Variants in DTX2 observed in about 807,000 individuals in gnomAD.
DTX2 encodes deltex E3 ubiquitin ligase 2.
DTX2 carries 29 observed loss-of-function variants against 55.3 expected under a neutral mutation model. The ratio of observed to expected loss-of-function variants is 0.52; its 90% CI spans 0.39 to 0.71. The LOEUF is 0.71. Among genes scored for constraint, DTX2 ranks in the 30% least tolerant of loss-of-function variants. The pLI, the probability that DTX2 is intolerant of heterozygous loss-of-function variation, is 0.00. For synonymous variants in DTX2, 276 were observed against 340.4 expected (o/e 0.81, Z 2.08); for missense variants, 537 against 822.5 (o/e 0.65, Z 4.25).
chr7:76,501,052 G>A (rs544786090), intron 7 of DTX2, among the ~76,000 whole-genome samples: 18 of 151,720 alleles, frequency 1.2e-4, no homozygotes, highest in Admixed American at 5.9e-4. Flanking sequence ...CTCCTGTTGC[G>A]CTTCCATAGA....
intron 2 of DTX2, among the ~76,000 whole-genome samples, chr7:76,468,083 G>A (rs867820651): frequency 1.3e-5 from 2 of 152,296 alleles, no homozygotes; most frequent in African/African-American, 2.4e-5. Flanking sequence ...AGGAGGGGAG[G>A]AGGGGAGAGG....
chr7:76,479,713 A>T (rs1209366509), intron 2 of DTX2, among the ~76,000 whole-genome samples: 1 of 151,098 alleles, frequency 6.6e-6, no homozygotes, highest in Admixed American at 6.6e-5. Context: ...CCTACCCGGG[A>T]GGTGGAGGTT....
At chr7:76,471,681 CCA>C (rs1234997528) in intron 2 of DTX2, among the ~76,000 whole-genome samples, 1 of 150,864 alleles carries the variant, frequency 6.6e-6, no homozygotes, top group Non-Finnish European at 1.5e-5. Context: ...AAGGTGTGAG[CCA>C]CTGCACCAGG....
chr7:76,479,703 C>G (rs1808947335), intron 2 of DTX2, among the ~76,000 whole-genome samples: 1 of 151,196 alleles, frequency 6.6e-6, no homozygotes, highest in African/African-American at 2.4e-5. Flanking sequence ...ATCACTTGAA[C>G]CTACCCGGGA....
intron 6 of DTX2, among the ~76,000 whole-genome samples, chr7:76,497,716 C>A (rs1359532936): frequency 6.7e-6 from 1 of 149,748 alleles, no homozygotes; most frequent in Non-Finnish European, 1.5e-5. Context: ...CATGAGGGGG[C>A]TTGTTCTTGA....
At chr7:76,486,846 G>GGCTGCT (rs370235862) in intron 4 of DTX2, among the ~76,000 whole-genome samples, 573 of 79,724 alleles carry the variant, frequency 7.2e-3, no homozygotes, top group African/African-American at 0.028. Context: ...TGTTGTGGTG[G>GGCTGCT]GCTGCTGCTG....
At position 76,483,061 on chromosome 7, in the gene DTX2, G is replaced by C; in HGVS notation, c.822G>C (p.Leu274=). Residue 274 remains leucine, a synonymous_variant, in exon 4 of 11, where the codon CTG becomes CTC. Transcript: ENST00000430490. ...TNAWGAAPPS[L]GSQPLYRSSL... is the part of the protein sequence containing the mutation. ...CCTGGGGCGCAGCTCCTCCTTCCCT[G>C]GGGAGCCAGCCCCTCTACCGCTCCA... 1 of 1,613,220 alleles carries C rather than the reference G, an allele frequency of 6.2e-7. No individual in the cohort carries two copies. The highest frequency in any genetic ancestry group is 1.1e-5 in the South Asian group (1 of 91,060).
rs1812199967 is a variant in DTX2, at chr7:76,505,154, T to C, written c.1642-220T>C. On this transcript the variant is annotated intron_variant, in intron 10 of 10. Transcript: ENST00000430490. This position sits in a 1 kb window ranked among gnomAD's most constrained non-coding sequence, Gnocchi z 4.4. ...CCAAACGGATGGCAGTGCCAGGCAC[T>C]GAGGCGGGGTGGGCTGGAGCCCAGG... 6.6e-6 allele frequency among the ~76,000 whole-genome samples: 1 copy of C among 151,978 alleles called. No homozygotes were observed. The highest frequency in any genetic ancestry group is 6.5e-5 in the Admixed American group (1 of 15,274).
At chr7:76,471,700 A>G (rs970461376) in intron 2 of DTX2, among the ~76,000 whole-genome samples, 2 of 150,396 alleles carry the variant, frequency 1.3e-5, no homozygotes, top group African/African-American at 5.0e-5. Context: ...CAGGCCTGCT[A>G]TTACTGTTAC....
rs1255026427 is a variant in DTX2 at position 76,505,888 on chromosome 7, C to T, written c.*287C>T. 1.4e-5 allele frequency: 8 copies of T among 563,582 alleles called. No individual in the cohort carries two copies. The African/African-American group carries it at 1.5e-4, about 11-fold the overall frequency. The allele number at this position is 563,582 out of a possible 1,614,324, so 34.9% of individuals were successfully genotyped here. Reference sequence around the variant, plus strand: ...TGCTTCGGGCCCGCGGTGCTCGGGGCCTGGTGTGGGGCGAGTAGAGACTTC... The same window carrying T: ...TGCTTCGGGCCCGCGGTGCTCGGGGTCTGGTGTGGGGCGAGTAGAGACTTC... On this transcript the variant is annotated 3_prime_UTR_variant, in exon 11 of 11. Transcript: ENST00000430490. The surrounding 1 kb of genome is among the most constrained non-coding windows in gnomAD (Gnocchi z 4.4).
intron 5 of DTX2, among the ~76,000 whole-genome samples, chr7:76,495,842 T>C (rs1638119): frequency 0.63 from 90,680 of 143,792 alleles, 29,423 homozygotes; most frequent in African/African-American, 0.75. Flanking sequence ...GCCTGCCCGC[T>C]GAGGCAGTGT....
chr7:76,501,241 G>A (rs1811642119), intron 7 of DTX2: 3 of 455,590 alleles, frequency 6.6e-6, no homozygotes, highest in African/African-American at 4.0e-5. Context: ...AGTACCCAGG[G>A]ACTCTTCACT....
intron 4 of DTX2, among the ~76,000 whole-genome samples, chr7:76,487,005 G>A (rs1810002295): frequency 2.1e-5 from 2 of 94,562 alleles, no homozygotes; most frequent in South Asian, 6.4e-4. Context: ...ATAGGCCCTC[G>A]GTCTCTTTTC....
Position 76,482,539 on chromosome 7 carries a change from C to T in DTX2, c.300C>T (p.Phe100=). Residue 100 remains phenylalanine, a synonymous_variant, in exon 4 of 11, where the codon TTC becomes TTT. Coordinates refer to ENST00000430490, the MANE Select transcript of DTX2 (RefSeq NM_001102594.3). ...GTMRAVRRHL[F]PQHSAPGRGV... ...TGCGGGCTGTGCGGAGACACCTGTTCCCCCAGCACTCAGCCCCTGGCCGAG... is the reference window on the plus strand; with the variant it reads ...TGCGGGCTGTGCGGAGACACCTGTTTCCCCAGCACTCAGCCCCTGGCCGAG... 6.2e-7 allele frequency: 1 copy of T among 1,608,766 alleles called. No homozygotes were observed. The highest frequency in any genetic ancestry group is 1.1e-5 in the South Asian group (1 of 90,814).
At chr7:76,500,569 T>C in intron 7 of DTX2, 49 bp downstream of exon 7, 1 of 556,264 alleles carries the variant, frequency 1.8e-6, no homozygotes, top group Non-Finnish European at 3.3e-6. Flanking sequence ...TGGAAACAAC[T>C]CCACATGGAA....
chr7:76,479,730 A>G (rs1808953272), intron 2 of DTX2, among the ~76,000 whole-genome samples: 1 of 151,592 alleles, frequency 6.6e-6, no homozygotes, highest in African/African-American at 2.4e-5. Flanking sequence ...GGTTGCAGTG[A>G]GCCGAGATCA....
chr7:76,472,382 G>A (rs1638087), intron 2 of DTX2, among the ~76,000 whole-genome samples: 70,598 of 91,878 alleles, frequency 0.77, 28,363 homozygotes, highest in East Asian at 0.97. Flanking sequence ...CTGGAGTGCA[G>A]TGGTGCAGTT....
rs1456702812 is a variant in DTX2 at position 76,483,946 on chromosome 7, A to G, written c.908+799A>G. On this transcript the variant is annotated intron_variant, in intron 4 of 10. Coordinates refer to ENST00000430490, the MANE Select transcript of DTX2 (RefSeq NM_001102594.3). Reference sequence around the variant, plus strand: ...GTGGTACACACCTGTAATCCCAGCTACTTGGGAGACTGAGGCAGGAGGATT... The same window carrying G: ...GTGGTACACACCTGTAATCCCAGCTGCTTGGGAGACTGAGGCAGGAGGATT... Among the ~76,000 whole-genome samples, 3 of 151,812 alleles carry G rather than the reference A, an allele frequency of 2.0e-5. 1 individual carries two copies. The highest frequency in any genetic ancestry group is 1.5e-5 in the Non-Finnish European group (1 of 67,978).
At chr7:76,503,725 G>C in intron 9 of DTX2, 138 bp downstream of exon 9, 1 of 964,526 alleles carries the variant, frequency 1.0e-6, no homozygotes, top group Admixed American at 2.9e-5. Flanking sequence ...TAAGGCCAGA[G>C]CCATGGAGGG....
Sources: allele counts gnomAD v4.1 joint callset (sites outside exome capture counted in the v4.1 genomes callset), GRCh38; gene constraint gnomAD v4.1.1; non-coding constraint Gnocchi (gnomAD v3.1); transcripts MANE v1.5; gene names NCBI Gene and HGNC (gene_info 2026-07-23, HGNC 2026-07-21).